Variants in SPATS2 observed in about 807,000 individuals in gnomAD.
SPATS2 encodes spermatogenesis associated serine rich 2.
A neutral mutation model predicts 63.7 loss-of-function variants in SPATS2; 38 were observed. The ratio of observed to expected loss-of-function variants is 0.60; its 90% CI spans 0.46 to 0.78. SPATS2 has a LOEUF of 0.78. Ranked by LOEUF, SPATS2 falls within the 30% of genes least tolerant of loss-of-function variation. The pLI, the probability that SPATS2 is intolerant of heterozygous loss-of-function variation, is 0.00. For synonymous variants in SPATS2, 207 were observed against 232.9 expected (o/e 0.89, Z 1.01); for missense variants, 588 against 666.2 (o/e 0.88, Z 1.29).
At chr12:49,491,507 G>A (rs1174007767) in intron 6 of SPATS2, among the ~76,000 whole-genome samples, 1 of 152,010 alleles carries the variant, frequency 6.6e-6, no homozygotes, top group Non-Finnish European at 1.5e-5. Context: ...TTGCGCCCAG[G>A]AGTTCAAGTC....
rs1368704733 is a variant in SPATS2, at chr12:49,519,115, A to G, written c.941A>G (p.Lys314Arg). 2.5e-6 allele frequency: 4 copies of G among 1,614,094 alleles called. No individual in the cohort carries two copies. Among genetic ancestry groups the G allele is most frequent in the Admixed American group, 3.3e-5 (2 of 60,014 alleles). ...LSRQKKAELL[K>R]KMTHVAVQMS... ...CGACAAAAGAAGGCTGAACTTCTAA[A>G]GAAGATGACTCATGTGGCTGTTCAA... The change falls in exon 11 of 14, where the codon AAG becomes AGG. Residue 314 changes from lysine (K) to arginine (R), a missense_variant. Physicochemically the swap from Lys to Arg is conservative, Grantham distance 26 (BLOSUM62 2). Coordinates refer to ENST00000552918, the MANE Select transcript of SPATS2 (RefSeq NM_023071.4).
At chr12:49,500,728 C>T (rs571295018) in intron 9 of SPATS2, among the ~76,000 whole-genome samples, 2 of 151,638 alleles carry the variant, frequency 1.3e-5, no homozygotes, top group Non-Finnish European at 2.9e-5. Context: ...GCCAAGATCT[C>T]GCCACTGCAC....
chr12:49,495,312 G>A (rs1320355523), intron 7 of SPATS2, among the ~76,000 whole-genome samples: 1 of 151,954 alleles, frequency 6.6e-6, no homozygotes, highest in African/African-American at 2.4e-5. Flanking sequence ...TCATGCCTCA[G>A]CCTCCTGAGT....
At chr12:49,388,903 A>G (rs1490452883) in intron 2 of SPATS2, among the ~76,000 whole-genome samples, 1 of 152,002 alleles carries the variant, frequency 6.6e-6, no homozygotes. Context: ...TATGTTGGCC[A>G]GGCTGGTCTT....
chr12:49,473,697 T>C (rs1946076167), intron 3 of SPATS2, among the ~76,000 whole-genome samples: 1 of 152,102 alleles, frequency 6.6e-6, no homozygotes, highest in Non-Finnish European at 1.5e-5. Flanking sequence ...AATCATACCG[T>C]GAAATATTAT....
chr12:49,416,020 C>CT (rs774706596), intron 2 of SPATS2, among the ~76,000 whole-genome samples: 379 of 137,232 alleles, frequency 2.8e-3, no homozygotes, highest in East Asian at 8.3e-3. Context: ...AAACATTTTA[C>CT]TTTTTTTTTT....
At position 49,526,192 on chromosome 12, in the gene SPATS2, A is replaced by G. The variant is rs892853892; in HGVS notation, c.1575A>G (p.Ser525=). The G allele has an allele frequency of 1.2e-6, 2 of 1,614,196 alleles. No homozygotes were observed. ...VSMEPSPPTP[S]FKKGLPQRKP... ...TGGAGCCCAGCCCTCCCACGCCTTC[A>G]TTCAAAAAGGGGCTCCCCCAGCGCA... Residue 525 remains serine, a synonymous_variant, in exon 14 of 14, where the codon TCA becomes TCG. Coordinates refer to ENST00000552918, the MANE Select transcript of SPATS2 (RefSeq NM_023071.4).
rs562491477 is a variant in SPATS2 at position 49,391,397 on chromosome 12, A to C, written c.-244+20107A>C. ...CGTGGAGGCGTGTGCCTGTAATCCC[A>C]GCTACTCGGGAGGCTGAGGCAGGAG... On this transcript the variant is annotated intron_variant, in intron 2 of 13. Coordinates refer to ENST00000552918, the MANE Select transcript of SPATS2 (RefSeq NM_023071.4). Among the ~76,000 whole-genome samples, 4 of 152,302 alleles carry C rather than the reference A, an allele frequency of 2.6e-5. No homozygotes were observed. The South Asian group carries it at 8.3e-4, about 32-fold the overall frequency.
chr12:49,494,361 G>A (rs777028130), intron 6 of SPATS2, among the ~76,000 whole-genome samples: 13 of 152,070 alleles, frequency 8.5e-5, no homozygotes, highest in Non-Finnish European at 1.6e-4. Context: ...CATTCTATAT[G>A]CTTATAGCTT....
rs1392656298 is a variant in SPATS2, at chr12:49,469,619, A to G, written c.25+8582A>G. On this transcript the variant is annotated intron_variant, in intron 3 of 13. Transcript: ENST00000552918. Reference sequence around the variant, plus strand: ...CAGCTGAGAAATATGGGCCAGGCACAGTGGCTCACATCTGTAATTCCAGCA... The same window carrying G: ...CAGCTGAGAAATATGGGCCAGGCACGGTGGCTCACATCTGTAATTCCAGCA... 4 of 415,350 alleles carry G rather than the reference A, an allele frequency of 9.6e-6. No individual in the cohort carries two copies. The East Asian group carries it at 2.8e-4, about 30-fold the overall frequency. 25.7% of individuals were successfully genotyped at this position (415,350 alleles called of 1,614,324 possible).
intron 3 of SPATS2, among the ~76,000 whole-genome samples, chr12:49,468,242 C>A (rs1013726537): frequency 1.3e-5 from 2 of 151,130 alleles, no homozygotes; most frequent in Admixed American, 6.6e-5. Flanking sequence ...TCACTGCAAC[C>A]TCCACCTCCC....
At chr12:49,459,657 T>C (rs904340153) in intron 2 of SPATS2, among the ~76,000 whole-genome samples, 18 of 150,268 alleles carry the variant, frequency 1.2e-4, no homozygotes, top group Non-Finnish European at 2.1e-4. Context: ...TAGACCGTTA[T>C]TAAAAAGTCT....
At chr12:49,367,343 C>A, upstream of SPATS2, 1 of 388,254 alleles carries the variant, frequency 2.6e-6, no homozygotes, top group South Asian at 1.3e-4. Context: ...GGGCGAGGGT[C>A]GGGGTGATCT....
intron 5 of SPATS2, 81 bp downstream of exon 5, chr12:49,489,654 C>G (rs934574050): frequency 3.9e-5 from 46 of 1,181,688 alleles, no homozygotes; most frequent in Non-Finnish European, 3.6e-5. Context: ...ATTCAGCAAT[C>G]CAGTGATTCA....
intron 2 of SPATS2, among the ~76,000 whole-genome samples, chr12:49,388,814 C>G (rs143722133): frequency 6.6e-6 from 1 of 151,940 alleles, no homozygotes; most frequent in Non-Finnish European, 1.5e-5. Context: ...CCCTCTTCAG[C>G]CTCATAAGTA....
At chr12:49,390,151 C>T in intron 2 of SPATS2, 5 of 1,537,968 alleles carry the variant, frequency 3.3e-6, no homozygotes, top group Non-Finnish European at 4.4e-6. Context: ...TGACTTGAGT[C>T]TGAGGAAGAG....
At chr12:49,524,985 C>T (rs1017499915) in intron 13 of SPATS2, 89 bp downstream of exon 13, 2 of 1,270,904 alleles carry the variant, frequency 1.6e-6, no homozygotes, top group Middle Eastern at 2.7e-4. Flanking sequence ...TATTATCTTC[C>T]TCTCTATTCC....
chr12:49,421,482 T>C (rs1453341271), intron 2 of SPATS2, among the ~76,000 whole-genome samples: 3 of 150,180 alleles, frequency 2.0e-5, no homozygotes, highest in Admixed American at 1.3e-4. Flanking sequence ...CAATTTACAG[T>C]TGTAAAATAG....
At chr12:49,457,092 C>CT (rs902338576) in intron 2 of SPATS2, among the ~76,000 whole-genome samples, 14 of 151,670 alleles carry the variant, frequency 9.2e-5, no homozygotes, top group Non-Finnish European at 5.9e-5. Context: ...TATTTTATAG[C>CT]TTTTTTTGAA....
Sources: gnomAD v4.1 joint callset for allele counts (sites outside exome capture counted in the v4.1 genomes callset) on GRCh38, gnomAD v4.1.1 for gene constraint, MANE v1.5 for transcripts, NCBI Gene and HGNC (gene_info 2026-07-23, HGNC 2026-07-21) for gene names.